The following ELOVL4 variants were observed in gnomAD, a reference collection of about 807,000 sequenced individuals.
ELOVL4 encodes the protein ELOVL fatty acid elongase 4.
ELOVL4 carries 18 observed loss-of-function variants against 42.1 expected under a neutral mutation model. The observed-to-expected ratio is 0.43, with a 90% CI of 0.30 to 0.63. ELOVL4 has a LOEUF of 0.63. Among genes scored for constraint, ELOVL4 ranks in the 30% least tolerant of loss-of-function variants. The pLI is 0.15. For synonymous variants in ELOVL4, 117 were observed against 127.0 expected, an observed-to-expected ratio of 0.92 and a Z score of 0.53; for missense variants, 299 against 376.2, an observed-to-expected ratio of 0.79 and a Z score of 1.70.
intron 3 of ELOVL4, among the ~76,000 whole-genome samples, chr6:79,923,493 T>C (rs343622): frequency 0.072 from 10,974 of 152,248 alleles, 1,269 homozygotes; most frequent in African/African-American, 0.25. Context: ...GTCAAACACT[T>C]ATCCCTGTTC....
chr6:79,933,397 A>C (rs990252440), intron 1 of ELOVL4, among the ~76,000 whole-genome samples: 1 of 151,856 alleles, frequency 6.6e-6, no homozygotes, highest in African/African-American at 2.4e-5. Context: ...CACCCAGCTA[A>C]TTTTTGTGTT....
chr6:79,945,146 C>T (rs1774718028), intron 1 of ELOVL4, among the ~76,000 whole-genome samples: 1 of 152,158 alleles, frequency 6.6e-6, no homozygotes, highest in African/African-American at 2.4e-5. Flanking sequence ...TCCACTAAGC[C>T]TCTCTGTTGG....
At chr6:79,928,739 T>G (rs946570791) in intron 1 of ELOVL4, among the ~76,000 whole-genome samples, 3 of 141,514 alleles carry the variant, frequency 2.1e-5, no homozygotes, top group Non-Finnish European at 4.6e-5. Context: ...TTTTTTTTTT[T>G]TTTTTTTTTT....
At chr6:79,947,120 C>T in intron 1 of ELOVL4, 60 bp downstream of exon 1, 1 of 1,403,450 alleles carries the variant, frequency 7.1e-7, no homozygotes, top group Non-Finnish European at 9.9e-7. Context: ...AGCTGCGAGA[C>T]CAGGGGCCGG....
At chr6:79,940,915 T>C (rs533861835) in intron 1 of ELOVL4, among the ~76,000 whole-genome samples, 3 of 152,152 alleles carry the variant, frequency 2.0e-5, no homozygotes, top group Non-Finnish European at 4.4e-5. Flanking sequence ...ACAAAAGCAA[T>C]GTTATTTCAA....
intron 1 of ELOVL4, among the ~76,000 whole-genome samples, chr6:79,939,732 T>C (rs151670): frequency 0.061 from 9,348 of 152,070 alleles, 904 homozygotes; most frequent in African/African-American, 0.21. Context: ...CTTGAACTCC[T>C]GGGCTCAAGT....
intron 1 of ELOVL4, 40 bp from the exon 2 acceptor site, chr6:79,926,421 T>A: frequency 6.4e-7 from 1 of 1,569,756 alleles, no homozygotes; most frequent in Non-Finnish European, 8.7e-7. Context: ...CATTAATCAG[T>A]AAATGTTTTA....
chr6:79,939,655 C>T (rs138008531), intron 1 of ELOVL4, among the ~76,000 whole-genome samples: 7 of 152,066 alleles, frequency 4.6e-5, no homozygotes, highest in Admixed American at 1.3e-4. Flanking sequence ...TTCTCAATAG[C>T]TGAGACTAGA....
At chr6:79,929,923 T>A (rs1272230204) in intron 1 of ELOVL4, among the ~76,000 whole-genome samples, 3 of 152,222 alleles carry the variant, frequency 2.0e-5, no homozygotes, top group Non-Finnish European at 4.4e-5. Context: ...AAAATATATT[T>A]GATGAATAAA....
At chr6:79,944,987 C>CAAAAAAAAAAAAA (rs200726708) in intron 1 of ELOVL4, among the ~76,000 whole-genome samples, 1 of 93,004 alleles carries the variant, frequency 1.1e-5, no homozygotes, top group African/African-American at 3.5e-5. Context: ...TGAATGAGTC[C>CAAAAAAAAAAAAA]AAAAAAAAAA....
intron 1 of ELOVL4, among the ~76,000 whole-genome samples, chr6:79,931,161 T>C (rs1295532096): frequency 6.6e-6 from 1 of 152,202 alleles, no homozygotes; most frequent in Non-Finnish European, 1.5e-5. Context: ...AATTTGTTTA[T>C]CAAATTATTT....
At chr6:79,927,409 A>G (rs970980790) in intron 1 of ELOVL4, among the ~76,000 whole-genome samples, 3 of 152,214 alleles carry the variant, frequency 2.0e-5, no homozygotes, top group African/African-American at 7.2e-5. Flanking sequence ...TCAACTTCTT[A>G]GAACCAACCT....
At chr6:79,927,207 A>T (rs1028624264) in intron 1 of ELOVL4, among the ~76,000 whole-genome samples, 7 of 152,132 alleles carry the variant, frequency 4.6e-5, no homozygotes, top group African/African-American at 1.4e-4. Flanking sequence ...TGATAATGAA[A>T]TATGGATGGG....
At chr6:79,942,459 T>A (rs1056677851) in intron 1 of ELOVL4, among the ~76,000 whole-genome samples, 1 of 152,184 alleles carries the variant, frequency 6.6e-6, no homozygotes, top group Non-Finnish European at 1.5e-5. Flanking sequence ...TATGCCTAAT[T>A]CAGAATAATA....
In ELOVL4 at chr6:79,944,657, T is replaced by C. The variant is rs1774705999; in HGVS notation, c.100+2523A>G. Reference sequence around the variant, plus strand: ...TTTGGATATTTAAAGCACCATTTGATATAATAGCACAAAATGGCATTTAAT... The same window carrying C: ...TTTGGATATTTAAAGCACCATTTGACATAATAGCACAAAATGGCATTTAAT... On this transcript the variant is annotated intron_variant, in intron 1 of 5. Transcript: ENST00000369816. Among the ~76,000 whole-genome samples the C allele has an allele frequency of 2.0e-5, 3 of 152,140 alleles. No homozygotes were observed. The South Asian group carries it at 6.2e-4, about 31-fold the overall frequency.
chr6:79,937,975 C>T (rs958950903), intron 1 of ELOVL4, among the ~76,000 whole-genome samples: 12 of 152,280 alleles, frequency 7.9e-5, no homozygotes, highest in South Asian at 2.1e-4. Flanking sequence ...ATGATCCACC[C>T]GCCTCGGCCT....
At chr6:79,923,221 T>C (rs1582046427) in intron 3 of ELOVL4, among the ~76,000 whole-genome samples, 1 of 152,110 alleles carries the variant, frequency 6.6e-6, no homozygotes, top group South Asian at 2.1e-4. Flanking sequence ...AATACAGAAA[T>C]GAGTCTCTGC....
In ELOVL4 at chr6:79,916,814, T is replaced by A; in HGVS notation, c.739A>T (p.Met247Leu). ...LYTDCPFPKW[M>L]HWALIAYAIS... ...GCATAGGCAATTAGAGCCCAGTGCA[T>A]CCATTTGGGGAAGGGGCAGTCAGTG... is the stretch of plus-strand genomic sequence containing the variant. The change falls in exon 6 of 6, where the codon ATG (methionine) becomes TTG (leucine). Residue 247 changes from methionine (M) to leucine (L), a missense_variant. Transcript: ENST00000369816. 1 of 1,614,152 alleles carries A rather than the reference T, an allele frequency of 6.2e-7. No homozygotes were observed. Among genetic ancestry groups the A allele is most frequent in the Non-Finnish European group, 8.5e-7 (1 of 1,180,028 alleles).
intron 1 of ELOVL4, among the ~76,000 whole-genome samples, chr6:79,942,140 T>C (rs1354032898): frequency 1.3e-5 from 2 of 152,092 alleles, no homozygotes; most frequent in East Asian, 3.9e-4. Flanking sequence ...AAGGTGGACA[T>C]GTACACATTT....
Sources: allele counts gnomAD v4.1 joint callset (sites outside exome capture counted in the v4.1 genomes callset), GRCh38; gene constraint gnomAD v4.1.1; transcripts MANE v1.5; gene names NCBI Gene and HGNC (gene_info 2026-07-23, HGNC 2026-07-21).